Variants in EML6 observed in about 807,000 individuals in gnomAD.
EML6 encodes the protein echinoderm microtubule-associated protein-like 6.
EML6 carries 154 observed loss-of-function variants against 240.1 expected under a neutral mutation model. The observed-to-expected ratio is 0.64, with a 90% confidence interval of 0.56 to 0.73. The LOEUF (loss-of-function observed/expected upper bound fraction) is 0.73. Among genes scored for constraint, EML6 ranks in the 30% least tolerant of loss-of-function variants. The pLI, the probability that EML6 is intolerant of heterozygous loss-of-function variation, is 0.00. For missense variants in EML6, 2,964 were observed against 2,474.6 expected, an observed-to-expected ratio of 1.20 and a Z score of -4.20; for synonymous variants, 1,148 against 899.0, an observed-to-expected ratio of 1.28 and a Z score of -4.95.
intron 3 of EML6, 96 bp downstream of exon 3, chr2:54,813,487 C>T (rs1667951674): frequency 9.6e-7 from 1 of 1,045,188 alleles, no homozygotes; most frequent in Non-Finnish European, 1.4e-6. Flanking sequence ...TCCATCAACC[C>T]TTGCTGGTTC....
rs1670567414 is a variant in EML6, at chr2:54,859,547, A to G, written c.1671A>G (p.Arg557=). ...FPCLKRGAKF[R]KYVGHSAHVT... ...ATATTCTTTCAGGAGCCAAATTTAG[A>G]AAGTATGTGGGCCATTCTGCACATG... The change falls in exon 12 of 42, where the codon AGA becomes AGG. Residue 557 remains arginine, a synonymous_variant. Coordinates refer to ENST00000356458, the MANE Select transcript of EML6 (RefSeq NM_001039753.4). 2 of 1,547,880 alleles carry G rather than the reference A, an allele frequency of 1.3e-6. No homozygotes were observed. Among genetic ancestry groups the G allele is most frequent in the South Asian group, 2.4e-5 (2 of 82,582 alleles).
intron 2 of EML6, among the ~76,000 whole-genome samples, chr2:54,806,233 G>C (rs1302546201): frequency 1.3e-5 from 2 of 152,060 alleles, no homozygotes; most frequent in African/African-American, 2.4e-5. Flanking sequence ...GTTTTTACCA[G>C]TTTAAATCAC....
chr2:54,782,629 A>G (rs1270415606), intron 2 of EML6, among the ~76,000 whole-genome samples: 1 of 150,718 alleles, frequency 6.6e-6, no homozygotes, highest in Non-Finnish European at 1.5e-5. Flanking sequence ...TAATCAAATC[A>G]TAAAGGGTTA....
intron 2 of EML6, among the ~76,000 whole-genome samples, chr2:54,761,126 C>G (rs1169451149): frequency 6.6e-6 from 1 of 152,014 alleles, no homozygotes; most frequent in East Asian, 1.9e-4. Context: ...GATAATAACT[C>G]TCATCATTGT....
intron 2 of EML6, among the ~76,000 whole-genome samples, chr2:54,803,213 T>C (rs1670276052): frequency 6.6e-6 from 1 of 152,132 alleles, no homozygotes; most frequent in Non-Finnish European, 1.5e-5. Context: ...CATAGTGTGG[T>C]GTCTGTAGTT....
intron 2 of EML6, among the ~76,000 whole-genome samples, chr2:54,802,269 C>A (rs1161797528): frequency 6.6e-6 from 1 of 151,930 alleles, no homozygotes; most frequent in East Asian, 1.9e-4. Context: ...TTTTCTGCAT[C>A]TAAAAATCAC....
At chr2:54,944,474 A>G (rs1267480318) in intron 28 of EML6, among the ~76,000 whole-genome samples, 1 of 152,130 alleles carries the variant, frequency 6.6e-6, no homozygotes, top group Non-Finnish European at 1.5e-5. Flanking sequence ...GCTCCAGTCA[A>G]GTGCTTCATC....
intron 2 of EML6, among the ~76,000 whole-genome samples, chr2:54,753,863 G>T (rs1684282690): frequency 6.6e-6 from 1 of 151,748 alleles, no homozygotes; most frequent in Admixed American, 6.6e-5. Context: ...TTGGCTGGGC[G>T]CGATGGCTCA....
intron 2 of EML6, among the ~76,000 whole-genome samples, chr2:54,735,938 G>A (rs1400964003): frequency 6.6e-6 from 1 of 152,222 alleles, no homozygotes; most frequent in Non-Finnish European, 1.5e-5. Context: ...CCTGGAGAAA[G>A]TGACTTTTGA....
chr2:54,824,583 A>G (rs1315600733), intron 5 of EML6, among the ~76,000 whole-genome samples: 3 of 152,198 alleles, frequency 2.0e-5, no homozygotes, highest in Non-Finnish European at 4.4e-5. Context: ...GCTAGGGTGA[A>G]ATCCTTTTTG....
intron 2 of EML6, among the ~76,000 whole-genome samples, chr2:54,781,827 G>A (rs951410053): frequency 7.9e-5 from 12 of 151,892 alleles, no homozygotes; most frequent in African/African-American, 2.4e-4. Flanking sequence ...ATGCTGCCAC[G>A]TCCCACTAAT....
At chr2:54,933,885 G>C (rs1674993161) in intron 28 of EML6, among the ~76,000 whole-genome samples, 1 of 152,132 alleles carries the variant, frequency 6.6e-6, no homozygotes, top group Admixed American at 6.5e-5. Flanking sequence ...TCTCATCCAG[G>C]TCCAGATAAA....
At chr2:54,937,855 T>A (rs1191756808) in intron 28 of EML6, among the ~76,000 whole-genome samples, 1 of 152,178 alleles carries the variant, frequency 6.6e-6, no homozygotes, top group East Asian at 1.9e-4. Context: ...TTTAAATCAT[T>A]ATGGAATCTC....
chr2:54,892,945 C>T (rs1270736313), intron 19 of EML6, among the ~76,000 whole-genome samples: 4 of 152,216 alleles, frequency 2.6e-5, no homozygotes, highest in Non-Finnish European at 5.9e-5. Context: ...AATGTGGACA[C>T]TTAGCAGCAG....
intron 28 of EML6, among the ~76,000 whole-genome samples, chr2:54,935,620 A>G (rs1008080820): frequency 6.6e-6 from 1 of 152,220 alleles, no homozygotes; most frequent in Non-Finnish European, 1.5e-5. Flanking sequence ...TGCCACAACA[A>G]TCAACTTTTA....
intron 2 of EML6, among the ~76,000 whole-genome samples, chr2:54,784,092 A>T (rs1460146373): frequency 2.0e-5 from 3 of 152,090 alleles, no homozygotes; most frequent in Admixed American, 1.3e-4. Context: ...GACTACAGGC[A>T]TGTGCTACTC....
chr2:54,862,865 G>C (rs1352322820), intron 12 of EML6, among the ~76,000 whole-genome samples: 1 of 152,126 alleles, frequency 6.6e-6, no homozygotes. Flanking sequence ...ATTAACCCTT[G>C]GGGGATAACA....
intron 7 of EML6, among the ~76,000 whole-genome samples, chr2:54,830,581 G>C (rs1031098722): frequency 6.6e-5 from 10 of 152,214 alleles, no homozygotes; most frequent in Admixed American, 2.0e-4. Flanking sequence ...CTGCCACAGA[G>C]GTTGTTCCAT....
At chr2:54,958,120 C>G (rs940415110) in intron 33 of EML6, 122 bp downstream of exon 33, 5 of 802,406 alleles carry the variant, frequency 6.2e-6, no homozygotes, top group African/African-American at 1.7e-5. Context: ...TTTCCACATT[C>G]GCTCCTGTAC....
Sources: gnomAD v4.1 joint callset for allele counts (sites outside exome capture counted in the v4.1 genomes callset) on GRCh38, gnomAD v4.1.1 for gene constraint, MANE v1.5 for transcripts, NCBI Gene and HGNC (gene_info 2026-07-23, HGNC 2026-07-21) for gene names.